CDH23: variants seen among roughly 807,000 people sequenced by gnomAD.
CDH23 encodes the protein cadherin related 23.
Under a neutral mutation model 317.1 loss-of-function variants are expected in CDH23, and 189 were observed. The ratio of observed to expected loss-of-function variants is 0.60; its 90% CI spans 0.53 to 0.67. The LOEUF (loss-of-function observed/expected upper bound fraction) is 0.67. Among genes scored for constraint, CDH23 ranks in the 30% least tolerant of loss-of-function variants. The pLI is 0.00. For synonymous variants in CDH23, 1,839 were observed against 1,876.8 expected, an observed-to-expected ratio of 0.98 and a Z score of 0.52; for missense variants, 4,401 against 4,592.4, an observed-to-expected ratio of 0.96 and a Z score of 1.20.
rs565442590 is a variant in CDH23, at chr10:71,398,329, T to G, written c.-6+1011T>G. ...TTCTTTTTCTACGTCCTTTGCCCTC[T>G]CAGACCAGAGCTGGCATTGACATTG... On this transcript the variant is annotated intron_variant, in intron 1 of 69. Coordinates refer to ENST00000224721, the MANE Select transcript of CDH23 (RefSeq NM_022124.6). Among the ~76,000 whole-genome samples, 358 of 152,296 alleles carry G rather than the reference T, an allele frequency of 2.4e-3. 1 individual carries two copies. Among genetic ancestry groups the G allele is most frequent in the African/African-American group, 8.0e-3 (334 of 41,558 alleles).
intron 15 of CDH23, 52 bp downstream of exon 15, chr10:71,675,228 TC>T (rs1864311731): frequency 6.7e-7 from 1 of 1,485,474 alleles, no homozygotes; most frequent in Non-Finnish European, 9.4e-7. Context: ...TCCTTGGCCC[TC>T]CCCAGACTCA....
intron 3 of CDH23, among the ~76,000 whole-genome samples, chr10:71,452,345 C>T (rs544475339): frequency 7.9e-5 from 12 of 152,262 alleles, no homozygotes; most frequent in Admixed American, 3.9e-4. Flanking sequence ...GGTAACCGCC[C>T]GCAGCCAGAA....
At chr10:71,775,515 C>T (rs1355470431) in intron 38 of CDH23, among the ~76,000 whole-genome samples, 2 of 152,194 alleles carry the variant, frequency 1.3e-5, no homozygotes, top group African/African-American at 2.4e-5. Flanking sequence ...CAGGGTGAGA[C>T]ACAGGCATTG....
chr10:71,773,041 T>A (rs1035829802), intron 38 of CDH23, among the ~76,000 whole-genome samples: 1 of 152,200 alleles, frequency 6.6e-6, no homozygotes, highest in Non-Finnish European at 1.5e-5. Flanking sequence ...TGCCTCTCCT[T>A]CTTTGCAGAA....
intron 3 of CDH23, among the ~76,000 whole-genome samples, chr10:71,470,138 G>A (rs368233253): frequency 6.6e-6 from 1 of 152,098 alleles, no homozygotes; most frequent in African/African-American, 2.4e-5. Flanking sequence ...CCCAGCATAA[G>A]TTTAACTTTT....
At chr10:71,604,387 G>A (rs1860409129) in intron 9 of CDH23, among the ~76,000 whole-genome samples, 1 of 152,252 alleles carries the variant, frequency 6.6e-6, no homozygotes, top group South Asian at 2.1e-4. Context: ...CACATGAAGT[G>A]CTGAGCACCT....
intron 11 of CDH23, among the ~76,000 whole-genome samples, chr10:71,632,129 A>C (rs1446637863): frequency 6.6e-6 from 1 of 152,220 alleles, no homozygotes; most frequent in East Asian, 1.9e-4. Context: ...ACTTTACAAC[A>C]TGTTAATTAA....
At chr10:71,506,087 A>G (rs1853618747) in intron 3 of CDH23, among the ~76,000 whole-genome samples, 1 of 152,252 alleles carries the variant, frequency 6.6e-6, no homozygotes, top group African/African-American at 2.4e-5. Context: ...ATGCTACAAC[A>G]TGAATGAACC....
At chr10:71,811,063 C>T (rs1176737330) in intron 62 of CDH23, among the ~76,000 whole-genome samples, 7 of 110,260 alleles carry the variant, frequency 6.3e-5, no homozygotes, top group African/African-American at 2.6e-4. Flanking sequence ...GCCTGGGCAA[C>T]AGAGCAAGAC....
At chr10:71,731,274 T>G (rs1160616138) in intron 31 of CDH23, among the ~76,000 whole-genome samples, 2 of 152,244 alleles carry the variant, frequency 1.3e-5, no homozygotes, top group Non-Finnish European at 2.9e-5. Flanking sequence ...CTCCCTGAGC[T>G]GCTCATCCTT....
intron 7 of CDH23, among the ~76,000 whole-genome samples, 167 bp downstream of exon 7, chr10:71,567,103 C>G (rs1191872112): frequency 6.6e-6 from 1 of 152,202 alleles, no homozygotes. Context: ...ATTACTGAGG[C>G]TTTGTGCTGT....
chr10:71,556,101 G>GA (rs1156940887), intron 6 of CDH23, among the ~76,000 whole-genome samples: 7 of 152,236 alleles, frequency 4.6e-5, no homozygotes, highest in African/African-American at 1.7e-4. Flanking sequence ...CTGGCACATA[G>GA]AATAGCTGAA....
chr10:71,692,732 T>C (rs1391480601), intron 20 of CDH23, among the ~76,000 whole-genome samples: 1 of 152,138 alleles, frequency 6.6e-6, no homozygotes, highest in Non-Finnish European at 1.5e-5. Flanking sequence ...CTAAAAGCAA[T>C]CTGGTCCAGC....
At chr10:71,542,880 T>C (rs1856061064) in intron 6 of CDH23, among the ~76,000 whole-genome samples, 1 of 152,244 alleles carries the variant, frequency 6.6e-6, no homozygotes, top group South Asian at 2.1e-4. Flanking sequence ...GCAAGCCCCT[T>C]TCCAGGGTGG....
chr10:71,768,181 T>C (rs1006961097), intron 38 of CDH23, among the ~76,000 whole-genome samples: 9 of 152,142 alleles, frequency 5.9e-5, no homozygotes, highest in African/African-American at 2.2e-4. Flanking sequence ...TTGTTGTTGT[T>C]GTTGTTTGAG....
chr10:71,702,167 A>T lies in CDH23; in HGVS notation c.2543A>T (p.His848Leu). 1 of 1,613,826 alleles carries T rather than the reference A, an allele frequency of 6.2e-7. No homozygotes were observed. Among genetic ancestry groups the T allele is most frequent in the Non-Finnish European group, 8.5e-7 (1 of 1,179,860 alleles). The change falls in exon 23 of 70, where the codon CAT becomes CTT. Residue 848 changes from histidine (H) to leucine (L), a missense_variant. Physicochemically the swap from His to Leu is moderately conservative, Grantham distance 99. Around this residue, in one of 3 missense-constraint regions of CDH23, gnomAD observed 3,068 missense variants for 3,203.3 expected, o/e 0.96. Transcript: ENST00000224721. ...AMLDRENPDPHEAELMRKIVV... is the reference protein window; with the variant it reads ...AMLDRENPDPLEAELMRKIVV... ...CTGGACCGGGAGAACCCCGACCCCC[A>T]TGAGGCCGAGCTGATGCGCAAAATC... is the stretch of plus-strand genomic sequence containing the variant.
chr10:71,708,373 T>C (rs917927501), intron 26 of CDH23, among the ~76,000 whole-genome samples: 3 of 152,266 alleles, frequency 2.0e-5, no homozygotes, highest in East Asian at 1.9e-4. Context: ...ACCACAAAGC[T>C]GGTGCCGTGG....
chr10:71,692,589 T>C (rs184129942), intron 20 of CDH23, among the ~76,000 whole-genome samples: 34 of 152,296 alleles, frequency 2.2e-4, no homozygotes, highest in East Asian at 1.7e-3. Flanking sequence ...GGGCAGACCT[T>C]TGTGAGTCTT....
intron 6 of CDH23, among the ~76,000 whole-genome samples, chr10:71,530,069 A>ACACACACACACACACT (rs1260256322): frequency 2.1e-5 from 3 of 145,014 alleles, no homozygotes; most frequent in African/African-American, 5.2e-5. Flanking sequence ...ACACACACAC[A>ACACACACACACACACT]CTCTCCCCAG....
Sources: allele counts gnomAD v4.1 joint callset (sites outside exome capture counted in the v4.1 genomes callset), GRCh38; gene constraint gnomAD v4.1.1; regional missense constraint gnomAD v4.1.1; transcripts MANE v1.5; gene names NCBI Gene and HGNC (gene_info 2026-07-23, HGNC 2026-07-21).